TRIO: variants seen among roughly 807,000 people sequenced by gnomAD.
The protein encoded by TRIO is triple functional domain protein.
A neutral mutation model predicts 351.9 loss-of-function variants in TRIO; 58 were observed. The observed-to-expected ratio is 0.16, with a 90% CI of 0.13 to 0.21. TRIO has a LOEUF of 0.21. Ranked by LOEUF, TRIO falls within the 10% of genes least tolerant of loss-of-function variation. The pLI, the probability that TRIO is intolerant of heterozygous loss-of-function variation, is 1.00. For missense variants in TRIO, 3,201 were observed against 4,027.8 expected (o/e 0.79, Z 5.56); for synonymous variants, 1,758 against 1,595.7 (o/e 1.10, Z -2.42).
intron 20 of TRIO, among the ~76,000 whole-genome samples, chr5:14,379,591 T>G (rs1370217443): frequency 6.6e-6 from 1 of 152,226 alleles, no homozygotes; most frequent in Non-Finnish European, 1.5e-5. Context: ...TTAGACAGTT[T>G]AACCATATTC....
intron 2 of TRIO, among the ~76,000 whole-genome samples, chr5:14,272,822 G>GA (rs971327025): frequency 6.6e-6 from 1 of 152,120 alleles, no homozygotes; most frequent in Non-Finnish European, 1.5e-5. Context: ...CTTTAGGAGG[G>GA]AAAAAAACCA....
chr5:14,172,808 A>G (rs949238019), intron 1 of TRIO, among the ~76,000 whole-genome samples: 1 of 152,230 alleles, frequency 6.6e-6, no homozygotes, highest in Non-Finnish European at 1.5e-5. Flanking sequence ...GATACAGCAA[A>G]TTACAGCATA....
intron 34 of TRIO, among the ~76,000 whole-genome samples, chr5:14,434,334 A>G (rs1030692899): frequency 1.2e-4 from 18 of 152,154 alleles, no homozygotes; most frequent in Non-Finnish European, 2.6e-4. Flanking sequence ...TTTTTCGATA[A>G]TCATAAACCC....
intron 1 of TRIO, among the ~76,000 whole-genome samples, chr5:14,258,061 G>C (rs1277529118): frequency 2.6e-5 from 4 of 152,344 alleles, no homozygotes; most frequent in African/African-American, 9.6e-5. Flanking sequence ...GAGGTGGCAA[G>C]CCCAGGCTCC....
At chr5:14,402,440 C>A (rs774072921) in intron 31 of TRIO, among the ~76,000 whole-genome samples, 2 of 152,106 alleles carry the variant, frequency 1.3e-5, no homozygotes, top group Non-Finnish European at 2.9e-5. Context: ...GTAAAGGAAA[C>A]GATGTTCTCA....
chr5:14,462,732 A>G (rs1561520306), intron 35 of TRIO, 23 bp from the exon 36 acceptor site: 1 of 1,613,686 alleles, frequency 6.2e-7, no homozygotes, highest in East Asian at 2.2e-5. Flanking sequence ...GAATATAATG[A>G]GCAAATCTTG....
rs146839975 is a variant in TRIO at position 14,455,926 on chromosome 5, G to A, written c.5204-5093G>A. Reference sequence around the variant, plus strand: ...CAGCCCTTGGGCAGTCGATGGGACCGGGCGCTGCGGAGGCTCAGGCTGCGT... The same window carrying A: ...CAGCCCTTGGGCAGTCGATGGGACCAGGCGCTGCGGAGGCTCAGGCTGCGT... On this transcript the variant is annotated intron_variant, in intron 34 of 56. Coordinates refer to ENST00000344204, the MANE Select transcript of TRIO (RefSeq NM_007118.4). 1.2e-3 allele frequency among the ~76,000 whole-genome samples: 181 copies of A among 152,322 alleles called. 1 individual carries two copies. Among genetic ancestry groups the A allele is most frequent in the African/African-American group, 3.9e-3 (162 of 41,590 alleles).
chr5:14,297,484 A>C (rs1468100957), intron 7 of TRIO: 4 of 492,868 alleles, frequency 8.1e-6, no homozygotes, highest in Non-Finnish European at 3.6e-6. Context: ...TTTCATTTGT[A>C]AAGTAGAAAT....
chr5:14,265,673 G>T (rs530294754), intron 1 of TRIO, among the ~76,000 whole-genome samples: 11 of 152,306 alleles, frequency 7.2e-5, no homozygotes, highest in Admixed American at 6.5e-4. Flanking sequence ...CTGGTCATCA[G>T]TGACTAGCTT....
chr5:14,489,295 A>C, intron 48 of TRIO: 1 of 425,510 alleles, frequency 2.4e-6, no homozygotes, highest in Non-Finnish European at 4.2e-6. Flanking sequence ...TAATTGGGGA[A>C]GAAATTAACA....
Position 14,366,955 on chromosome 5 carries a change from C to T in TRIO, c.2850C>T (p.His950=), listed in dbSNP as rs750876089. The change falls in exon 16 of 57, where the codon CAC becomes CAT. Residue 950 remains histidine, a synonymous_variant. Transcript: ENST00000344204. ...LQEAEQLQRE[H]EQFQHAIEKT... ...AGGCAGAGCAGCTCCAGCGAGAGCA[C>T]GAGCAGTTCCAGCATGCCATTGAGG... 25 of 1,614,004 alleles carry T rather than the reference C, an allele frequency of 1.5e-5. No individual in the cohort carries two copies. The highest frequency in any genetic ancestry group is 1.8e-5 in the Non-Finnish European group (21 of 1,180,040).
intron 1 of TRIO, among the ~76,000 whole-genome samples, chr5:14,220,949 A>G (rs181983959): frequency 2.0e-5 from 3 of 152,372 alleles, no homozygotes; most frequent in African/African-American, 7.2e-5. Flanking sequence ...AGAAGATGCC[A>G]TCTAGGACTT....
chr5:14,210,992 G>C (rs562276956), intron 1 of TRIO, among the ~76,000 whole-genome samples: 48 of 151,980 alleles, frequency 3.2e-4, no homozygotes, highest in Non-Finnish European at 6.2e-4. Context: ...TGAGCCCCTA[G>C]ATAACTTAGG....
At chr5:14,354,594 T>C (rs1010969315) in intron 11 of TRIO, among the ~76,000 whole-genome samples, 5 of 152,240 alleles carry the variant, frequency 3.3e-5, no homozygotes, top group Non-Finnish European at 7.3e-5. Flanking sequence ...AGAAGAGCAA[T>C]GGGCTGCAGG....
chr5:14,227,727 G>A (rs904442264), intron 1 of TRIO, among the ~76,000 whole-genome samples: 2 of 152,034 alleles, frequency 1.3e-5, no homozygotes, highest in African/African-American at 4.8e-5. Flanking sequence ...GCATCGGGAG[G>A]GTTTAAGTAA....
At chr5:14,430,568 A>G (rs10073258) in intron 34 of TRIO, among the ~76,000 whole-genome samples, 58 of 152,310 alleles carry the variant, frequency 3.8e-4, no homozygotes, top group African/African-American at 1.3e-3. Flanking sequence ...TGCAAGAGAT[A>G]CATTCACAAG....
At chr5:14,212,585 G>T (rs1561208727) in intron 1 of TRIO, among the ~76,000 whole-genome samples, 1 of 152,274 alleles carries the variant, frequency 6.6e-6, no homozygotes, top group African/African-American at 2.4e-5. Flanking sequence ...AGTAAAAATA[G>T]CAGAAGTGCC....
chr5:14,499,912 G>A (rs564604210), intron 53 of TRIO, among the ~76,000 whole-genome samples: 1 of 152,000 alleles, frequency 6.6e-6, no homozygotes, highest in Admixed American at 6.5e-5. Context: ...ATTAGCCGGC[G>A]TGGTGGCAAG....
At chr5:14,166,291 A>G (rs1427606633) in intron 1 of TRIO, among the ~76,000 whole-genome samples, 1 of 152,152 alleles carries the variant, frequency 6.6e-6, no homozygotes, top group Admixed American at 6.5e-5. Context: ...CCTGTCTCTC[A>G]GTCGTCCCGT....
Sources: gnomAD v4.1 joint callset for allele counts (sites outside exome capture counted in the v4.1 genomes callset) on GRCh38, gnomAD v4.1.1 for gene constraint, MANE v1.5 for transcripts, NCBI Gene and HGNC (gene_info 2026-07-23, HGNC 2026-07-21) for gene names.